The following LAMB1 variants were observed in gnomAD, a reference collection of about 807,000 sequenced individuals.
LAMB1 encodes laminin subunit beta 1, also known as laminin subunit beta-1.
A neutral mutation model predicts 222.3 loss-of-function variants in LAMB1; 121 were observed. That is an observed-to-expected ratio of 0.54 (90% CI 0.47 to 0.63). LAMB1 has a LOEUF of 0.63. Ranked by LOEUF, LAMB1 falls within the 30% of genes least tolerant of loss-of-function variation. LAMB1 has a pLI of 0.00. For synonymous variants in LAMB1, 794 were observed against 807.2 expected, an observed-to-expected ratio of 0.98 and a Z score of 0.28; for missense variants, 2,172 against 2,240.8, an observed-to-expected ratio of 0.97 and a Z score of 0.62.
At chr7:107,976,561 C>T (rs1038563155) in intron 9 of LAMB1, among the ~76,000 whole-genome samples, 1 of 152,162 alleles carries the variant, frequency 6.6e-6, no homozygotes, top group Non-Finnish European at 1.5e-5. Context: ...CAGCCTGGCC[C>T]TCCTGAGCCT....
intron 13 of LAMB1, among the ~76,000 whole-genome samples, chr7:107,965,056 T>C (rs2150431829): frequency 6.6e-6 from 1 of 152,346 alleles, no homozygotes; most frequent in South Asian, 2.1e-4. Flanking sequence ...CCAGCTTGGC[T>C]GTCCCAGAGC....
chr7:107,964,573 C>T lies in LAMB1; in HGVS notation c.1677G>A (p.Ala559=), dbSNP rs201444455. 1.4e-4 allele frequency: 231 copies of T among 1,614,148 alleles called. No homozygotes were observed. The Admixed American group carries it at 1.9e-3, about 13-fold the overall frequency. ...TCACAGGCCCCAAGTTGGCTTCCTCCGCTTCATAGAGGTAGTGATCCAGGG... is the reference window on the plus strand; with the variant it reads ...TCACAGGCCCCAAGTTGGCTTCCTCTGCTTCATAGAGGTAGTGATCCAGGG... ...FATLDHYLYE[A]EEANLGPGVS... is the part of the protein sequence containing the mutation. Residue 559 remains alanine (A), a synonymous_variant, in exon 14 of 34, where the codon GCG becomes GCA. Coordinates refer to ENST00000222399, the MANE Select transcript of LAMB1 (RefSeq NM_002291.3).
chr7:107,999,209 TCTTA>T (rs2034336733), intron 3 of LAMB1, among the ~76,000 whole-genome samples: 1 of 152,236 alleles, frequency 6.6e-6, no homozygotes, highest in Non-Finnish European at 1.5e-5. Flanking sequence ...TTTGAATTTC[TCTTA>T]CTTTCTTTCT....
At position 107,975,742 on chromosome 7, in the gene LAMB1, G is replaced by A. The variant is rs1225946964; in HGVS notation, c.1136C>T (p.Pro379Leu). The change falls in exon 10 of 34, where the codon CCG becomes CTG. Residue 379 changes from proline to leucine, a missense_variant. Transcript: ENST00000222399. ...CCTCTCTGGGTGCTGGTAGTAAAAC[G>A]GCTTGCACTGCTCACAGTTGCGCCC... The part of the protein sequence containing the change: ...TMGRNCEQCK[P>L]FYYQHPERDI... 4.3e-6 allele frequency: 7 copies of A among 1,613,756 alleles called. No homozygotes were observed. In the South Asian group the frequency reaches 6.6e-5, roughly 15 times the overall value.
In LAMB1 at chr7:107,960,513, G is replaced by GT; in HGVS notation, c.2245dup (p.Thr749AsnfsTer13). The GT allele has an allele frequency of 6.2e-7, 1 of 1,614,216 alleles. No homozygotes were observed. Among genetic ancestry groups the GT allele is most frequent in the Non-Finnish European group, 8.5e-7 (1 of 1,180,024 alleles). ...GTTTCTGCAAACATCTGTCATCGGT[G>GT]TTTTCACAACGCTTCTGCTGTTCTC... On this transcript the variant is annotated frameshift_variant, in exon 18 of 34. Transcript: ENST00000222399. LOFTEE classifies it high-confidence loss of function.
chr7:107,950,981 C>A, intron 24 of LAMB1: 3 of 371,724 alleles, frequency 8.1e-6, no homozygotes, highest in Non-Finnish European at 1.0e-5. Context: ...CAGAAACAAA[C>A]TTTACCCCAG....
intron 27 of LAMB1, 50 bp downstream of exon 27, chr7:107,935,365 T>TC: frequency 8.9e-7 from 1 of 1,126,038 alleles, no homozygotes; most frequent in Admixed American, 3.4e-5. Flanking sequence ...TTTTTTTTTT[T>TC]TTTTTTTTGC....
Position 107,975,833 on chromosome 7 carries a change from C to G in LAMB1, c.1045G>C (p.Ala349Pro), listed in dbSNP as rs755635852. 2 of 1,613,846 alleles carry G rather than the reference C, an allele frequency of 1.2e-6. No individual in the cohort carries two copies. The highest frequency in any genetic ancestry group is 3.3e-5 in the Admixed American group (2 of 59,952). ...ACGTTCCCCGTGGCCAGGTAAACAG[C>G]CATGTCAAAGTGACAAGAGATGGAA... Reference protein sequence around the residue: ...EHSISCHFDMAVYLATGNVSG... With the variant: ...EHSISCHFDMPVYLATGNVSG... Residue 349 changes from alanine to proline, a missense_variant, in exon 10 of 34, where the codon GCT becomes CCT. Ala to Pro is a conservative substitution (Grantham distance 27). Transcript: ENST00000222399.
At chr7:107,982,264 C>T (rs1481929103) in intron 7 of LAMB1, among the ~76,000 whole-genome samples, 1 of 152,242 alleles carries the variant, frequency 6.6e-6, no homozygotes, top group African/African-American at 2.4e-5. Context: ...TCTGCACTCT[C>T]AAGCTCTGTA....
At chr7:107,986,640 G>A (rs755069733) in intron 5 of LAMB1, among the ~76,000 whole-genome samples, 3 of 152,138 alleles carry the variant, frequency 2.0e-5, no homozygotes, top group Non-Finnish European at 4.4e-5. Flanking sequence ...GGCCTAAATA[G>A]CAAACACACT....
intron 20 of LAMB1, 122 bp downstream of exon 20, chr7:107,959,127 G>A (rs2033438383): frequency 1.3e-6 from 1 of 757,146 alleles, no homozygotes; most frequent in Non-Finnish European, 2.3e-6. Context: ...AGAAAATAGT[G>A]AGGTGGTCAG....
At chr7:107,969,847 T>C (rs910085103) in intron 13 of LAMB1, among the ~76,000 whole-genome samples, 3 of 152,212 alleles carry the variant, frequency 2.0e-5, no homozygotes, top group African/African-American at 7.2e-5. Context: ...CAGTATCTTA[T>C]GGGACCACCG....
chr7:107,936,821 G>A (rs2032858523), intron 26 of LAMB1, among the ~76,000 whole-genome samples: 1 of 98,938 alleles, frequency 1.0e-5, no homozygotes, highest in African/African-American at 3.3e-5. Context: ...CTAACTGGAG[G>A]GAAAAAAAAA....
chr7:108,002,376 C>G, intron 2 of LAMB1: 1 of 1,317,180 alleles, frequency 7.6e-7, no homozygotes, highest in Non-Finnish European at 1.0e-6. Flanking sequence ...GCGCCAGGTC[C>G]TGCTGTTTCT....
intron 14 of LAMB1, among the ~76,000 whole-genome samples, chr7:107,964,061 C>T (rs952787005): frequency 3.3e-5 from 5 of 152,138 alleles, no homozygotes; most frequent in African/African-American, 1.2e-4. Flanking sequence ...AGTGCCACTG[C>T]ACTCCAGCCT....
chr7:107,977,311 A>G (rs1178687965), intron 9 of LAMB1, among the ~76,000 whole-genome samples: 1 of 152,074 alleles, frequency 6.6e-6, no homozygotes, highest in African/African-American at 2.4e-5. Flanking sequence ...GGGGAGGGGC[A>G]GTGGTGTTGC....
intron 14 of LAMB1, 93 bp from the exon 15 acceptor site, chr7:107,963,156 A>C: frequency 8.2e-7 from 1 of 1,218,804 alleles, no homozygotes; most frequent in Non-Finnish European, 1.1e-6. Flanking sequence ...CCAAAGATTC[A>C]AAAAGGGTGG....
intron 12 of LAMB1, 59 bp from the exon 13 acceptor site, chr7:107,973,130 A>T: frequency 1.5e-6 from 2 of 1,359,984 alleles, no homozygotes; most frequent in Admixed American, 3.4e-5. Flanking sequence ...CAACAGACTC[A>T]GCAACAAGCA....
chr7:107,944,458 C>T (rs1393539219), intron 24 of LAMB1, among the ~76,000 whole-genome samples: 1 of 152,128 alleles, frequency 6.6e-6, no homozygotes, highest in Admixed American at 6.5e-5. Context: ...TTCCTTTCTC[C>T]CACCTGAAAA....
Sources: allele counts gnomAD v4.1 joint callset (sites outside exome capture counted in the v4.1 genomes callset), GRCh38; gene constraint gnomAD v4.1.1; transcripts MANE v1.5; gene names NCBI Gene and HGNC (gene_info 2026-07-23, HGNC 2026-07-21).